Variants in RNF2 observed in about 807,000 individuals in gnomAD.
RNF2 encodes the protein ring finger protein 2.
In RNF2, 6 loss-of-function variants were observed where a neutral mutation model predicts 37.2. The ratio of observed to expected loss-of-function variants is 0.16; its 90% CI spans 0.09 to 0.32. The LOEUF (loss-of-function observed/expected upper bound fraction) is 0.32. RNF2 is among the 10% of genes least tolerant of loss of function. RNF2 has a pLI of 1.00. For missense variants in RNF2, 251 were observed against 404.0 expected, an observed-to-expected ratio of 0.62 and a Z score of 3.25; for synonymous variants, 133 against 132.7, an observed-to-expected ratio of 1.00 and a Z score of -0.02.
chr1:185,079,459 C>A (rs1255416029), intron 1 of RNF2, among the ~76,000 whole-genome samples: 1 of 152,134 alleles, frequency 6.6e-6, no homozygotes, highest in African/African-American at 2.4e-5. Flanking sequence ...ATAAGGAAGT[C>A]CTCCCTGTTT....
chr1:185,069,146 A>G (rs1477915354), intron 1 of RNF2, among the ~76,000 whole-genome samples: 4 of 152,070 alleles, frequency 2.6e-5, no homozygotes, highest in Non-Finnish European at 5.9e-5. Flanking sequence ...TTCCTCTTTC[A>G]CCTATACTAT....
intron 1 of RNF2, among the ~76,000 whole-genome samples, chr1:185,066,205 T>G (rs1466873015): frequency 6.6e-6 from 1 of 152,230 alleles, no homozygotes; most frequent in Admixed American, 6.5e-5. Context: ...CATTGCACTG[T>G]GGATCTTTCT....
At chr1:185,088,887 C>A (rs1043562876) in intron 2 of RNF2, among the ~76,000 whole-genome samples, 1 of 151,488 alleles carries the variant, frequency 6.6e-6, no homozygotes, top group Non-Finnish European at 1.5e-5. Flanking sequence ...AAGCAGCATG[C>A]CCAGGGACCA....
chr1:185,077,298 C>CG (rs897318609), intron 1 of RNF2, among the ~76,000 whole-genome samples: 6 of 151,982 alleles, frequency 3.9e-5, no homozygotes, highest in African/African-American at 1.5e-4. Flanking sequence ...CCTCCTCCCC[C>CG]CTCCCTCCTA....
intron 1 of RNF2, among the ~76,000 whole-genome samples, chr1:185,055,951 A>G (rs1015638358): frequency 2.0e-5 from 3 of 152,176 alleles, no homozygotes; most frequent in African/African-American, 4.8e-5. Flanking sequence ...ATCCTCTAGT[A>G]ACATTTCCTC....
intron 1 of RNF2, among the ~76,000 whole-genome samples, chr1:185,046,811 T>A (rs545757089): frequency 2.0e-4 from 31 of 152,354 alleles, no homozygotes; most frequent in African/African-American, 7.5e-4. Flanking sequence ...CTTTTGGTAA[T>A]TCCAAGATGA....
intron 4 of RNF2, among the ~76,000 whole-genome samples, chr1:185,093,561 AC>A (rs1651829565): frequency 6.6e-6 from 1 of 151,582 alleles, no homozygotes; most frequent in South Asian, 2.1e-4. Context: ...TCTTTTATGA[AC>A]CCCCTCCAAT....
At chr1:185,052,033 C>T (rs1456392493) in intron 1 of RNF2, among the ~76,000 whole-genome samples, 1 of 151,784 alleles carries the variant, frequency 6.6e-6, no homozygotes, top group Non-Finnish European at 1.5e-5. Context: ...AGGAAAGTTT[C>T]AGTGTTAGCC....
At chr1:185,048,478 G>T (rs893665999) in intron 1 of RNF2, among the ~76,000 whole-genome samples, 26 of 152,114 alleles carry the variant, frequency 1.7e-4, no homozygotes, top group Admixed American at 4.6e-4. Flanking sequence ...TAACATGTTT[G>T]CCATTTATCA....
chr1:185,052,708 A>T (rs1416035953), intron 1 of RNF2, among the ~76,000 whole-genome samples: 2 of 152,200 alleles, frequency 1.3e-5, no homozygotes, highest in Non-Finnish European at 2.9e-5. Flanking sequence ...AAGTTTTTTT[A>T]AAAAATGAGG....
intron 1 of RNF2, among the ~76,000 whole-genome samples, chr1:185,076,742 T>C (rs1351586625): frequency 9.2e-5 from 14 of 152,060 alleles, no homozygotes; most frequent in Non-Finnish European, 1.5e-5. Context: ...TTTGAGCCCT[T>C]TGTTTTGTTA....
At chr1:185,099,641 A>G in intron 5 of RNF2, 150 bp from the exon 6 acceptor site, 2 of 658,296 alleles carry the variant, frequency 3.0e-6, no homozygotes, top group Non-Finnish European at 5.2e-6. Context: ...TTTAGATTGT[A>G]GAGCAGTAAA....
chr1:185,077,069 G>A (rs1455015074), intron 1 of RNF2, among the ~76,000 whole-genome samples: 2 of 151,838 alleles, frequency 1.3e-5, no homozygotes, highest in East Asian at 1.9e-4. Context: ...TGTTGCTATC[G>A]TGAATGGGAT....
At chr1:185,096,898 T>C (rs543968485) in intron 4 of RNF2, among the ~76,000 whole-genome samples, 6 of 152,132 alleles carry the variant, frequency 3.9e-5, no homozygotes, top group African/African-American at 4.8e-5. Flanking sequence ...TGGACTGTTA[T>C]TTCTTTGTTC....
intron 1 of RNF2, among the ~76,000 whole-genome samples, chr1:185,050,709 A>T (rs899240492): frequency 6.6e-6 from 1 of 152,234 alleles, no homozygotes; most frequent in Non-Finnish European, 1.5e-5. Context: ...AGATAGAAAA[A>T]TTGAAAGGGT....
In RNF2 at chr1:185,046,408, G is replaced by A. The variant is rs114049596; in HGVS notation, c.-3+759G>A. 2.6e-3 allele frequency: 391 copies of A among 152,246 alleles called. 4 individuals are homozygous for A. Among genetic ancestry groups the A allele is most frequent in the African/African-American group, 9.0e-3 (373 of 41,536 alleles). The allele number at this position is 152,246 out of a possible 1,614,324, so 9.4% of individuals were successfully genotyped here. A position where few individuals can be genotyped will look rare whatever the true frequency, so the allele number is the denominator to read the frequency against. The stretch of plus-strand genomic sequence containing the variant: ...CGCTGAGATGCTAGTACCCACTTTT[G>A]CCGGGAGCCCACGTCCTGCTGGTCA... On this transcript the variant is annotated intron_variant, in intron 1 of 6. Coordinates refer to ENST00000367510, the MANE Select transcript of RNF2 (RefSeq NM_007212.4).
At chr1:185,085,727 C>T (rs1409537781) in intron 1 of RNF2, among the ~76,000 whole-genome samples, 5 of 151,906 alleles carry the variant, frequency 3.3e-5, no homozygotes, top group African/African-American at 1.2e-4. Context: ...GATCTCAGCT[C>T]ACTGCAACCT....
chr1:185,101,834 T>TTTG lies in RNF2; in HGVS notation c.*1535_*1536insGTT, dbSNP rs766388928. The TTTG allele has an allele frequency of 3.2e-5, 2 of 62,644 alleles. No homozygotes were observed. Among genetic ancestry groups the TTTG allele is most frequent in the Admixed American group, 1.7e-4 (1 of 6,008 alleles). The allele number at this position is 62,644 out of a possible 1,614,324, so 3.9% of individuals were successfully genotyped here. On this transcript the variant is annotated 3_prime_UTR_variant, in exon 7 of 7. Coordinates refer to ENST00000367510, the MANE Select transcript of RNF2 (RefSeq NM_007212.4). ...TATTTAAAATCTGTTTTTACAGGGT[T>TTTG]TTTTTTTTTTTTTTTTTTTTGTAAT...
chr1:185,081,241 C>T (rs1040163538), intron 1 of RNF2, among the ~76,000 whole-genome samples: 6 of 152,048 alleles, frequency 3.9e-5, no homozygotes, highest in Non-Finnish European at 7.4e-5. Context: ...CTTTGGGATT[C>T]GATGAACTCT....
Sources: allele counts gnomAD v4.1 joint callset (sites outside exome capture counted in the v4.1 genomes callset), GRCh38; gene constraint gnomAD v4.1.1; transcripts MANE v1.5; gene names NCBI Gene and HGNC (gene_info 2026-07-23, HGNC 2026-07-21).